The following CEP120 variants were observed in gnomAD, a reference collection of about 807,000 sequenced individuals.
The protein encoded by CEP120 is centrosomal protein of 120 kDa.
Under a neutral mutation model 126.5 loss-of-function variants are expected in CEP120, and 113 were observed. The observed-to-expected ratio is 0.89, with a 90% CI of 0.77 to 1.04. CEP120 has a LOEUF of 1.04. Among genes scored for constraint, CEP120 ranks in the 50% least tolerant of loss-of-function variants. CEP120 has a pLI of 0.00. For missense variants in CEP120, 1,230 were observed against 1,155.7 expected (o/e 1.06, Z -0.93); for synonymous variants, 400 against 394.3 (o/e 1.01, Z -0.17).
At chr5:123,362,274 C>A (rs1179595137) in intron 18 of CEP120, among the ~76,000 whole-genome samples, 1 of 151,728 alleles carries the variant, frequency 6.6e-6, no homozygotes, top group African/African-American at 2.4e-5. Flanking sequence ...TACCAACTCA[C>A]GATGACCCCT....
intron 14 of CEP120, among the ~76,000 whole-genome samples, chr5:123,381,873 A>C (rs1771672698): frequency 2.0e-5 from 3 of 151,882 alleles, no homozygotes; most frequent in Admixed American, 2.0e-4. Flanking sequence ...GTGAGCAACC[A>C]TACCTGGCCT....
intron 18 of CEP120, among the ~76,000 whole-genome samples, chr5:123,359,840 C>A (rs1223792961): frequency 6.6e-6 from 1 of 151,906 alleles, no homozygotes; most frequent in Non-Finnish European, 1.5e-5. Flanking sequence ...AATAGACTAT[C>A]CTGGGTCACC....
At chr5:123,355,358 C>A (rs1462804547) in intron 18 of CEP120, among the ~76,000 whole-genome samples, 4 of 152,158 alleles carry the variant, frequency 2.6e-5, no homozygotes, top group Non-Finnish European at 5.9e-5. Context: ...GAGGAATCAC[C>A]ACACTGACTT....
chr5:123,409,971 C>CAAAAAAAAAAAAAAAAAAACAAAA (rs1773929018), intron 4 of CEP120, among the ~76,000 whole-genome samples: 1 of 67,596 alleles, frequency 1.5e-5, no homozygotes, highest in African/African-American at 6.5e-5. Flanking sequence ...ACAAAACAAG[C>CAAAAAAAAAAAAAAAAAAACAAAA]AAAAAAAAAA....
chr5:123,419,940 T>C (rs985625436), intron 1 of CEP120, among the ~76,000 whole-genome samples: 4 of 152,216 alleles, frequency 2.6e-5, no homozygotes, highest in Non-Finnish European at 5.9e-5. Flanking sequence ...GTGGATCTTA[T>C]TGAGGGGAAT....
chr5:123,361,281 G>A lies in CEP120; in HGVS notation c.2580+3215C>T, dbSNP rs74399558. On this transcript the variant is annotated intron_variant, in intron 18 of 19. Transcript: ENST00000306467. ...CCCTTAGCTTTGAGTGACAAATGTG[G>A]TGATAGCCCCCAGTGGTCCCTTTGT... Among the ~76,000 whole-genome samples the A allele has an allele frequency of 1.2e-4, 18 of 151,866 alleles. No individual in the cohort carries two copies. The East Asian group carries it at 2.7e-3, about 23-fold the overall frequency.
At chr5:123,357,837 G>A (rs1040325880) in intron 18 of CEP120, among the ~76,000 whole-genome samples, 2 of 152,042 alleles carry the variant, frequency 1.3e-5, no homozygotes, top group Non-Finnish European at 2.9e-5. Flanking sequence ...ACACTACTTG[G>A]GGCCAACCAA....
At chr5:123,406,591 A>G (rs1424716771) in intron 4 of CEP120, among the ~76,000 whole-genome samples, 3 of 150,958 alleles carry the variant, frequency 2.0e-5, no homozygotes, top group African/African-American at 7.3e-5. Context: ...GTTGAGAAAA[A>G]AAAAAAAAAC....
chr5:123,383,883 A>T (rs1385678667), intron 11 of CEP120, among the ~76,000 whole-genome samples: 1 of 152,124 alleles, frequency 6.6e-6, no homozygotes, highest in Non-Finnish European at 1.5e-5. Flanking sequence ...ACTCTGGTCA[A>T]ACAAAACTTG....
intron 5 of CEP120, 30 bp from the exon 6 acceptor site, chr5:123,393,527 A>G (rs768700182): frequency 1.9e-6 from 3 of 1,567,214 alleles, no homozygotes; most frequent in Non-Finnish European, 2.6e-6. Context: ...GAAAACAGTT[A>G]TTACTTTCTA....
rs76942218 is a variant in CEP120 at position 123,378,440 on chromosome 5, TAA to T, written c.2104-14_2104-13del. The T allele has an allele frequency of 0.017, 18,028 of 1,038,552 alleles. No homozygotes were observed. Among genetic ancestry groups the T allele is most frequent in the South Asian group, 0.024 (1,190 of 49,050 alleles). The allele number at this position is 1,038,552 out of a possible 1,614,324, so 64.3% of individuals were successfully genotyped here. On this transcript the variant is annotated splice_polypyrimidine_tract_variant and intron_variant, in intron 14 of 19. Transcript: ENST00000306467. ...GTATATTCAGCCACCTAAAATATAG[TAA>T]AAAAAAAAAAAAAAAAGTTACCTAC...
At chr5:123,363,267 T>C (rs1770220745) in intron 18 of CEP120, among the ~76,000 whole-genome samples, 4 of 151,644 alleles carry the variant, frequency 2.6e-5, no homozygotes, top group Non-Finnish European at 5.9e-5. Flanking sequence ...TTCCAACTCC[T>C]ATTAAATAGA....
In CEP120 at chr5:123,391,311, T is replaced by A; in HGVS notation, c.837A>T (p.Ser279=). 6.2e-7 allele frequency: 1 copy of A among 1,614,042 alleles called. No homozygotes were observed. Among genetic ancestry groups the A allele is most frequent in the Non-Finnish European group, 8.5e-7 (1 of 1,179,894 alleles). The change falls in exon 7 of 20, where the codon TCA becomes TCT. Residue 279 remains serine, a synonymous_variant. Coordinates refer to ENST00000306467, the MANE Select transcript of CEP120 (RefSeq NM_001375405.1). The part of the protein sequence containing the change: ...LQIHLCCGDQ[S]LGSTEIPLTG... ...TTAAAGGTATTTCTGTACTTCCAAG[T>A]GACTGGTCTCCACAGCAGAGGTGAA...
At chr5:123,422,897 G>A in intron 1 of CEP120, 53 bp downstream of exon 1, 10 of 1,537,818 alleles carry the variant, frequency 6.5e-6, no homozygotes, top group Non-Finnish European at 9.0e-6. Flanking sequence ...CCCACACTAA[G>A]CTTTTAAAAC....
At chr5:123,419,640 G>A (rs12719311) in intron 1 of CEP120, among the ~76,000 whole-genome samples, 41,561 of 151,180 alleles carry the variant, frequency 0.27, 5,857 homozygotes, top group East Asian at 0.43. Context: ...GGACAACACT[G>A]TACACTATCA....
intron 1 of CEP120, among the ~76,000 whole-genome samples, chr5:123,420,518 C>T (rs1774649051): frequency 6.6e-6 from 1 of 152,078 alleles, no homozygotes; most frequent in African/African-American, 2.4e-5. Flanking sequence ...GATGAGAATA[C>T]ATGAGGGGAA....
intron 4 of CEP120, among the ~76,000 whole-genome samples, chr5:123,411,475 G>A (rs929722467): frequency 6.6e-6 from 1 of 152,134 alleles, no homozygotes; most frequent in African/African-American, 2.4e-5. Flanking sequence ...AAAATAAACT[G>A]TGATACATCC....
chr5:123,417,709 A>G (rs1370235136), intron 2 of CEP120, among the ~76,000 whole-genome samples: 1 of 151,684 alleles, frequency 6.6e-6, no homozygotes, highest in East Asian at 1.9e-4. Context: ...TGTCTCACAC[A>G]TTAGGAAAAA....
chr5:123,409,714 T>C (rs1773911019), intron 4 of CEP120, among the ~76,000 whole-genome samples: 1 of 152,092 alleles, frequency 6.6e-6, no homozygotes, highest in Non-Finnish European at 1.5e-5. Flanking sequence ...GCCCAGCACT[T>C]TGGGAGGCCG....
Sources: allele counts gnomAD v4.1 joint callset (sites outside exome capture counted in the v4.1 genomes callset), GRCh38; gene constraint gnomAD v4.1.1; transcripts MANE v1.5; gene names NCBI Gene and HGNC (gene_info 2026-07-23, HGNC 2026-07-21).